IKBKB: variants seen among roughly 807,000 people sequenced by gnomAD.
IKBKB encodes inhibitor of nuclear factor kappa-B kinase subunit beta.
Under a neutral mutation model 113.6 loss-of-function variants are expected in IKBKB, and 42 were observed. The observed-to-expected ratio is 0.37, with a 90% CI of 0.29 to 0.48. The LOEUF (loss-of-function observed/expected upper bound fraction) is 0.48, where lower values mean the gene tolerates loss of function less well. Ranked by LOEUF, IKBKB falls within the 20% of genes least tolerant of loss-of-function variation. The pLI is 0.99. For missense variants in IKBKB, 673 were observed against 939.7 expected (o/e 0.72, Z 3.71); for synonymous variants, 296 against 361.3 (o/e 0.82, Z 2.05).
intron 4 of IKBKB, 107 bp from the exon 5 acceptor site, chr8:42,293,336 A>G: frequency 7.2e-7 from 1 of 1,387,956 alleles, no homozygotes; most frequent in Non-Finnish European, 1.0e-6. Context: ...CCTAAAGACC[A>G]GGGCCCAGGG....
At chr8:42,315,982 C>T (rs532106186) in intron 9 of IKBKB, among the ~76,000 whole-genome samples, 1 of 152,300 alleles carries the variant, frequency 6.6e-6, no homozygotes, top group Admixed American at 6.5e-5. Context: ...CATTCTTATG[C>T]AGCCATTTGG....
intron 5 of IKBKB, among the ~76,000 whole-genome samples, chr8:42,295,309 G>A (rs751182180): frequency 4.6e-5 from 7 of 151,990 alleles, no homozygotes; most frequent in Non-Finnish European, 8.8e-5. Flanking sequence ...AGTAGAGACA[G>A]GGTTTCATCA....
At chr8:42,288,366 G>A (rs530019853) in intron 2 of IKBKB, among the ~76,000 whole-genome samples, 12 of 147,912 alleles carry the variant, frequency 8.1e-5, no homozygotes, top group African/African-American at 2.2e-4. Flanking sequence ...CAGCTTGGGC[G>A]ACAGAGCAAG....
intron 6 of IKBKB, 60 bp from the exon 7 acceptor site, chr8:42,306,283 T>C (rs1432898822): frequency 9.3e-7 from 1 of 1,079,804 alleles, no homozygotes; most frequent in East Asian, 2.4e-5. Context: ...GCAGTCAGAA[T>C]CCTCGTAGAA....
intron 5 of IKBKB, among the ~76,000 whole-genome samples, chr8:42,295,813 T>C (rs1232626859): frequency 6.6e-6 from 1 of 152,234 alleles, no homozygotes; most frequent in Non-Finnish European, 1.5e-5. Flanking sequence ...GCTGCTGATA[T>C]TCACAGAACC....
chr8:42,321,840 T>TA, intron 16 of IKBKB, 56 bp from the exon 17 acceptor site: 3 of 1,333,850 alleles, frequency 2.2e-6, no homozygotes, highest in Non-Finnish European at 3.1e-6. Context: ...CAAAAAAATG[T>TA]AAAAATTAGC....
chr8:42,320,925 C>T, intron 16 of IKBKB, 81 bp downstream of exon 16: 1 of 833,442 alleles, frequency 1.2e-6, no homozygotes, highest in Non-Finnish European at 1.9e-6. Context: ...CAAGGGCACC[C>T]TCAGTGGCTG....
chr8:42,311,433 C>T (rs919222422), intron 8 of IKBKB, among the ~76,000 whole-genome samples: 13 of 151,952 alleles, frequency 8.6e-5, no homozygotes, highest in Admixed American at 3.3e-4. Flanking sequence ...TGGTGGCACA[C>T]GCCTGTAATC....
At chr8:42,297,657 G>A (rs2130419261) in intron 5 of IKBKB, among the ~76,000 whole-genome samples, 1 of 152,318 alleles carries the variant, frequency 6.6e-6, no homozygotes, top group East Asian at 1.9e-4. Context: ...CACTGTGGGA[G>A]GCTGAGGCAG....
At chr8:42,285,027 TTTA>T (rs1391509144) in intron 2 of IKBKB, among the ~76,000 whole-genome samples, 1 of 151,932 alleles carries the variant, frequency 6.6e-6, no homozygotes, top group African/African-American at 2.4e-5. Context: ...CAGCTAATTT[TTTA>T]TTTTTAGTAG....
rs536084742 is a variant in IKBKB at position 42,311,642 on chromosome 8, T to C, written c.692+2617T>C. 1.3e-3 allele frequency among the ~76,000 whole-genome samples: 204 copies of C among 152,064 alleles called. 1 individual carries two copies. The highest frequency in any genetic ancestry group is 4.8e-3 in the African/African-American group (201 of 41,490). On this transcript the variant is annotated intron_variant, in intron 8 of 21. Transcript: ENST00000520810. ...GAAATCAATTCCAGAAAAGTGGTCT[T>C]AGGTGATGGCAGTCTGTTCAATTCC...
chr8:42,326,818 C>T (rs1820827614), intron 20 of IKBKB, among the ~76,000 whole-genome samples: 1 of 152,192 alleles, frequency 6.6e-6, no homozygotes, highest in South Asian at 2.1e-4. Context: ...CGCCCGTTCT[C>T]CAGCACACTG....
At chr8:42,278,778 T>A (rs1425683498) in intron 2 of IKBKB, among the ~76,000 whole-genome samples, 2 of 152,096 alleles carry the variant, frequency 1.3e-5, no homozygotes, top group Non-Finnish European at 2.9e-5. Context: ...GTGGATCACC[T>A]GAGGTTGGGA....
rs1178717538 is a variant in IKBKB at position 42,322,089 on chromosome 8, C to G, written c.1774C>G (p.Arg592Gly). 2 of 1,613,914 alleles carry G rather than the reference C, an allele frequency of 1.2e-6. No homozygotes were observed. The highest frequency in any genetic ancestry group is 1.7e-6 in the Non-Finnish European group (2 of 1,179,962). Residue 592 changes from arginine (R) to glycine (G), a missense_variant, in exon 18 of 22, where the codon CGG (arginine) becomes GGG (glycine). Around this residue, in one of 2 missense-constraint regions of IKBKB, gnomAD observed 506 missense variants for 638.7 expected, o/e 0.79. Transcript: ENST00000520810. ...TGAGGGTGACAGTCAGGAAATGGTA[C>G]GGCTGCTGCTTCAGGCAATTCAGAG... ...RTEGDSQEMV[R>G]LLLQAIQSFE...
intron 5 of IKBKB, among the ~76,000 whole-genome samples, chr8:42,297,757 T>C (rs1044902211): frequency 1.1e-4 from 17 of 152,004 alleles, no homozygotes; most frequent in African/African-American, 3.1e-4. Context: ...TATCTGGGCG[T>C]GGTGGCGTGT....
At chr8:42,317,512 T>TA in intron 11 of IKBKB, 145 bp from the exon 12 acceptor site, 1 of 640,260 alleles carries the variant, frequency 1.6e-6, no homozygotes, top group Non-Finnish European at 2.8e-6. Context: ...CTGGAAACGT[T>TA]AAACACTTCA....
At chr8:42,318,793 A>C (rs943568128) in intron 13 of IKBKB, 118 bp downstream of exon 13, 6 of 1,004,094 alleles carry the variant, frequency 6.0e-6, no homozygotes, top group Middle Eastern at 3.3e-4. Context: ...AACAAAAGGA[A>C]GACACTGGTT....
In IKBKB at chr8:42,331,230, C is replaced by T. The variant is rs1276266401; in HGVS notation, c.*251C>T. ...AGGACGCAGCCCTCCGTGGGCACTGCCGGCGCCTTGTCTGCACACTGGAGG... is the reference window on the plus strand; with the variant it reads ...AGGACGCAGCCCTCCGTGGGCACTGTCGGCGCCTTGTCTGCACACTGGAGG... On this transcript the variant is annotated 3_prime_UTR_variant, in exon 22 of 22. Transcript: ENST00000520810. 2 of 715,434 alleles carry T rather than the reference C, an allele frequency of 2.8e-6. 1 individual carries two copies. The highest frequency in any genetic ancestry group is 5.0e-6 in the Non-Finnish European group (2 of 398,072). The allele number at this position is 715,434 out of a possible 1,614,324, so 44.3% of individuals were successfully genotyped here. A position where few individuals can be genotyped will look rare whatever the true frequency, so the allele number is the denominator to read the frequency against.
At chr8:42,311,393 T>A (rs1226468956) in intron 8 of IKBKB, among the ~76,000 whole-genome samples, 2 of 152,128 alleles carry the variant, frequency 1.3e-5, no homozygotes, top group Middle Eastern at 3.4e-3. Flanking sequence ...AAACCCCATC[T>A]CTGCTAAAAA....
Sources: gnomAD v4.1 joint callset for allele counts (sites outside exome capture counted in the v4.1 genomes callset) on GRCh38, gnomAD v4.1.1 for gene constraint, gnomAD v4.1.1 regional missense constraint, MANE v1.5 for transcripts, NCBI Gene and HGNC (gene_info 2026-07-23, HGNC 2026-07-21) for gene names.